The following PTPRF variants were observed in gnomAD, a reference collection of about 807,000 sequenced individuals.
PTPRF encodes receptor-type tyrosine-protein phosphatase F.
In PTPRF, 59 loss-of-function variants were observed where a neutral mutation model predicts 201.8. The ratio of observed to expected loss-of-function variants is 0.29; its 90% CI spans 0.24 to 0.36. PTPRF has a LOEUF of 0.36. Ranked by LOEUF, PTPRF falls within the 10% of genes least tolerant of loss-of-function variation. The pLI is 1.00. For missense variants in PTPRF, 2,132 were observed against 2,690.5 expected (o/e 0.79, Z 4.59); for synonymous variants, 1,088 against 1,089.7 (o/e 1.00, Z 0.03).
chr1:43,570,136 C>T (rs1409950714), intron 6 of PTPRF, among the ~76,000 whole-genome samples: 1 of 152,192 alleles, frequency 6.6e-6, no homozygotes, highest in Non-Finnish European at 1.5e-5. Flanking sequence ...CTCTTTGCTT[C>T]CTCAGATGGC....
At chr1:43,601,381 G>A (rs958212701) in intron 13 of PTPRF, among the ~76,000 whole-genome samples, 9 of 152,240 alleles carry the variant, frequency 5.9e-5, no homozygotes, top group East Asian at 3.8e-4. Context: ...AGGAAGGAAC[G>A]GGTATAGGTG....
chr1:43,531,937 A>G (rs370248324), intron 1 of PTPRF, among the ~76,000 whole-genome samples: 13 of 151,512 alleles, frequency 8.6e-5, no homozygotes, highest in African/African-American at 1.7e-4. Flanking sequence ...GTGCCTCCCA[A>G]TCTCACGCCC....
chr1:43,617,949 A>G, intron 25 of PTPRF, 38 bp downstream of exon 25: 18 of 1,578,176 alleles, frequency 1.1e-5, no homozygotes, highest in Non-Finnish European at 1.5e-5. Context: ...CGGGTGGGAA[A>G]TGCCCAGCCA....
chr1:43,581,705 G>A (rs1647691077), intron 7 of PTPRF, among the ~76,000 whole-genome samples: 1 of 152,232 alleles, frequency 6.6e-6, no homozygotes, highest in Non-Finnish European at 1.5e-5. Flanking sequence ...GCTTGTGGGT[G>A]GATGGCCGTG....
intron 23 of PTPRF, among the ~76,000 whole-genome samples, chr1:43,616,645 G>T (rs11583555): frequency 0.25 from 37,957 of 151,856 alleles, 5,846 homozygotes; most frequent in East Asian, 0.47. Context: ...GGGTGAGGGT[G>T]CCTTTCGCTA....
intron 1 of PTPRF, among the ~76,000 whole-genome samples, chr1:43,531,423 TCCCGTTTGCGTTCTTGCTC>T (rs1393931964): frequency 9.0e-6 from 1 of 111,052 alleles, no homozygotes; most frequent in Non-Finnish European, 1.8e-5. Flanking sequence ...GCGCAAAGTT[TCCCGTTTGCGTTCTTGCTC>T]CCCCTCATCG....
At chr1:43,566,965 A>AT (rs2153985293) in intron 5 of PTPRF, among the ~76,000 whole-genome samples, 1 of 152,292 alleles carries the variant, frequency 6.6e-6, no homozygotes, top group South Asian at 2.1e-4. Flanking sequence ...TTTGGCGTAA[A>AT]TCCCAAAGAC....
intron 3 of PTPRF, among the ~76,000 whole-genome samples, chr1:43,550,189 C>T (rs563908509): frequency 2.0e-5 from 3 of 152,290 alleles, no homozygotes; most frequent in African/African-American, 7.2e-5. Flanking sequence ...TCTCCAGCCT[C>T]CAAGGGAGGG....
intron 1 of PTPRF, among the ~76,000 whole-genome samples, chr1:43,533,377 G>C (rs1220600615): frequency 6.6e-6 from 1 of 151,866 alleles, no homozygotes; most frequent in Non-Finnish European, 1.5e-5. Flanking sequence ...CTTTTACTGG[G>C]AAGTGTATGG....
chr1:43,615,104 A>T (rs1657419801), intron 23 of PTPRF, among the ~76,000 whole-genome samples: 2 of 152,020 alleles, frequency 1.3e-5, no homozygotes, highest in South Asian at 4.1e-4. Flanking sequence ...TGTTTGGGGG[A>T]TGCATCCTAG....
chr1:43,604,491 G>A (rs1049958402), intron 16 of PTPRF, among the ~76,000 whole-genome samples: 2 of 152,110 alleles, frequency 1.3e-5, no homozygotes, highest in African/African-American at 4.8e-5. Context: ...GATCTTTGGT[G>A]TGTGACACTA....
At chr1:43,559,936 G>A (rs1237542397) in intron 5 of PTPRF, among the ~76,000 whole-genome samples, 2 of 149,666 alleles carry the variant, frequency 1.3e-5, no homozygotes, top group African/African-American at 5.0e-5. Flanking sequence ...GTGGTGTGTA[G>A]CAAGCTGTGT....
intron 10 of PTPRF, 77 bp downstream of exon 10, chr1:43,592,025 A>G (rs7553297): frequency 0.31 from 491,390 of 1,573,676 alleles, 79,728 homozygotes; most frequent in East Asian, 0.43. Context: ...CCAGGAGGGT[A>G]TTTTCTGGAT....
At chr1:43,619,880 C>T (rs1328212965) in intron 29 of PTPRF, 22 bp downstream of exon 29, 2 of 1,611,190 alleles carry the variant, frequency 1.2e-6, no homozygotes, top group Admixed American at 1.7e-5. Flanking sequence ...TGTCACTGCC[C>T]CACCATGCCC....
chr1:43,545,317 T>C, intron 3 of PTPRF, 151 bp downstream of exon 3: 1 of 785,946 alleles, frequency 1.3e-6, no homozygotes, highest in South Asian at 1.9e-5. Context: ...CCCCACTGCT[T>C]GGAGAGCCTC....
At position 43,597,735 on chromosome 1, in the gene PTPRF, T is replaced by C; in HGVS notation, c.1814-13T>C. 1 of 1,435,144 alleles carries C rather than the reference T, an allele frequency of 7.0e-7. No homozygotes were observed. The highest frequency in any genetic ancestry group is 9.6e-7 in the Non-Finnish European group (1 of 1,042,254). 88.9% of individuals were successfully genotyped at this position (1,435,144 alleles called of 1,614,324 possible). A position where few individuals can be genotyped will look rare whatever the true frequency, so the allele number is the denominator to read the frequency against. The stretch of plus-strand genomic sequence containing the variant: ...CTCCATCTGCTTGCTTCCCCCCCAT[T>C]TGTCTTCCCCAGCCCCCTCCGCCCC... On this transcript the variant is annotated splice_polypyrimidine_tract_variant and intron_variant, in intron 11 of 33. Transcript: ENST00000359947.
rs763045167 is a variant in PTPRF, at chr1:43,604,009, G to A, written c.2857G>A (p.Val953Met). 4 of 1,614,072 alleles carry A rather than the reference G, an allele frequency of 2.5e-6. No individual in the cohort carries two copies. Among genetic ancestry groups the A allele is most frequent in the Admixed American group, 1.7e-5 (1 of 60,006 alleles). Reference protein sequence around the residue: ...ERNGRIISYTVVFRDINSQQE... With the variant: ...ERNGRIISYTMVFRDINSQQE... ...GAACGGGCGCATCATCAGCTACACCGTGGTGTTCCGAGACATCAACAGCCA... is the reference window on the plus strand; with the variant it reads ...GAACGGGCGCATCATCAGCTACACCATGGTGTTCCGAGACATCAACAGCCA... Residue 953 changes from valine to methionine, a missense_variant, in exon 16 of 34, where the codon GTG (valine) becomes ATG (methionine). By Grantham distance (21) the Val-to-Met change is conservative. Around this residue, in one of 6 missense-constraint regions of PTPRF, gnomAD observed 818 missense variants for 915.3 expected, o/e 0.89. Transcript: ENST00000359947.
chr1:43,532,170 C>A (rs938314879), intron 1 of PTPRF, among the ~76,000 whole-genome samples: 1 of 152,162 alleles, frequency 6.6e-6, no homozygotes, highest in Non-Finnish European at 1.5e-5. Context: ...TCTCTGCACT[C>A]TCTGTGCTAG....
chr1:43,544,119 A>G (rs1461664502), intron 2 of PTPRF, among the ~76,000 whole-genome samples: 1 of 152,242 alleles, frequency 6.6e-6, no homozygotes, highest in East Asian at 1.9e-4. Flanking sequence ...GCATTCAGCC[A>G]GTCCCAGACG....
Sources: gnomAD v4.1 joint callset for allele counts (sites outside exome capture counted in the v4.1 genomes callset) on GRCh38, gnomAD v4.1.1 for gene constraint, gnomAD v4.1.1 regional missense constraint, MANE v1.5 for transcripts, NCBI Gene and HGNC (gene_info 2026-07-23, HGNC 2026-07-21) for gene names.